The following WDR81 variants were observed in gnomAD, a reference collection of about 807,000 sequenced individuals.
WDR81 encodes the protein WD repeat-containing protein 81.
WDR81 carries 92 observed loss-of-function variants against 140.8 expected under a neutral mutation model. That is an observed-to-expected ratio of 0.65 (90% CI 0.55 to 0.78). The LOEUF is 0.78. Ranked by LOEUF, WDR81 falls within the 30% of genes least tolerant of loss-of-function variation. The probability of loss-of-function intolerance (pLI) is 0.00; values close to 1 mark genes in which losing one functional copy is unlikely to be tolerated. For missense variants in WDR81, 2,502 were observed against 2,636.4 expected (o/e 0.95, Z 1.12); for synonymous variants, 1,183 against 1,156.4 (o/e 1.02, Z -0.47).
chr17:1,729,733 C>T lies in WDR81; in HGVS notation c.3668-647C>T, dbSNP rs61567758. The stretch of plus-strand genomic sequence containing the variant: ...ATCCCAGCACTTTGGGAGGCTGAGG[C>T]GGATGGATCACAAGGTCAGGAGATT... On this transcript the variant is annotated intron_variant, in intron 1 of 9. Transcript: ENST00000409644. 8.4e-3 allele frequency among the ~76,000 whole-genome samples: 1,284 copies of T among 152,078 alleles called. 16 individuals carry two copies. Among genetic ancestry groups the T allele is most frequent in the African/African-American group, 0.027 (1,132 of 41,502 alleles).
intron 1 of WDR81, chr17:1,717,138 C>T (rs1049721421): frequency 3.7e-5 from 6 of 162,216 alleles, no homozygotes; most frequent in African/African-American, 1.4e-4. Context: ...CCATTCAGTC[C>T]CGCCCTCCAA....
chr17:1,732,858 C>T, intron 6 of WDR81, 27 bp downstream of exon 6: 1 of 1,570,176 alleles, frequency 6.4e-7, no homozygotes, highest in Non-Finnish European at 8.7e-7. Flanking sequence ...TTCCCCATCA[C>T]AGTCTTCGTG....
chr17:1,737,454 C>T lies in WDR81; in HGVS notation c.5595C>T (p.Tyr1865=). 1 of 1,613,116 alleles carries T rather than the reference C, an allele frequency of 6.2e-7. No homozygotes were observed. ...KELEQKPTHH[Y]KSASDPIHTF... ...TGGAGCAGAAGCCCACCCATCACTA[C>T]AAGTCAGCATCCGACCCCATCCACA... Residue 1865 remains tyrosine, a synonymous_variant, in exon 10 of 10, where the codon TAC becomes TAT. Transcript: ENST00000409644.
At position 1,728,522 on chromosome 17, in the gene WDR81, T is replaced by C; in HGVS notation, c.3563T>C (p.Leu1188Pro). Residue 1188 changes from leucine (L) to proline (P), a missense_variant, in exon 1 of 10, where the codon CTG becomes CCG. Physicochemically the swap from Leu to Pro is moderately conservative, Grantham distance 98. Coordinates refer to ENST00000409644, the MANE Select transcript of WDR81 (RefSeq NM_001163809.2). ...GAGCTCACTCTGTCTGACACGGTGC[T>C]GTCCATGGAGACGGTTGTGGCCGGC... Reference protein sequence around the residue: ...ASELTLSDTVLSMETVVAGGS... With the variant: ...ASELTLSDTVPSMETVVAGGS... 6.4e-7 allele frequency: 1 copy of C among 1,572,418 alleles called. No individual in the cohort carries two copies. Among genetic ancestry groups the C allele is most frequent in the Non-Finnish European group, 8.6e-7 (1 of 1,156,632 alleles).
chr17:1,725,060 T>C lies in WDR81; in HGVS notation c.101T>C (p.Val34Ala). Residue 34 changes from valine (V) to alanine (A), a missense_variant, in exon 1 of 10, where the codon GTG (valine) becomes GCG (alanine). Val to Ala is a moderately conservative substitution (Grantham distance 64). This residue lies in a region of WDR81 where 547 missense variants were observed against 513.8 expected (regional missense o/e 1.06). Transcript: ENST00000409644. Reference protein sequence around the residue: ...SPDMQELLRSVERDLSIDPRQ... With the variant: ...SPDMQELLRSAERDLSIDPRQ... ...GACATGCAGGAGCTGCTCCGGAGCGTGGAGAGGGACCTGAGCATCGATCCC... is the reference window on the plus strand; with the variant it reads ...GACATGCAGGAGCTGCTCCGGAGCGCGGAGAGGGACCTGAGCATCGATCCC... 1 of 1,484,140 alleles carries C rather than the reference T, an allele frequency of 6.7e-7. No individual in the cohort carries two copies. Among genetic ancestry groups the C allele is most frequent in the Non-Finnish European group, 9.0e-7 (1 of 1,116,856 alleles). The allele number at this position is 1,484,140 out of a possible 1,614,324, so 91.9% of individuals were successfully genotyped here. A position where few individuals can be genotyped will look rare whatever the true frequency, so the allele number is the denominator to read the frequency against.
chr17:1,737,983 G>C lies in WDR81; in HGVS notation c.*298G>C. On this transcript the variant is annotated 3_prime_UTR_variant, in exon 10 of 10. Coordinates refer to ENST00000409644, the MANE Select transcript of WDR81 (RefSeq NM_001163809.2). ...GCTACCTTCACTTCTCCCCAGCTCT[G>C]CCCTCTGGGTCCACATGAGGACAGG... The C allele has an allele frequency of 2.0e-6, 1 of 494,182 alleles. No homozygotes were observed. The highest frequency in any genetic ancestry group is 3.6e-6 in the Non-Finnish European group (1 of 274,622). 30.6% of individuals were successfully genotyped at this position (494,182 alleles called of 1,614,324 possible).
upstream of WDR81, among the ~76,000 whole-genome samples, chr17:1,721,981 G>A (rs1914888835): frequency 6.6e-6 from 1 of 152,152 alleles, no homozygotes; most frequent in East Asian, 1.9e-4. Context: ...AAATTAGCCG[G>A]GCATGGTGGC....
At position 1,737,614 on chromosome 17, in the gene WDR81, C is replaced by T; in HGVS notation, c.5755C>T (p.Leu1919=). Residue 1919 remains leucine, a synonymous_variant, in exon 10 of 10, where the codon CTG becomes TTG. Transcript: ENST00000409644. ...GAACTTCCGCGGCACGCTCACCAGCCTGGCCTTGCTGCCCACTAAACGCCA... is the reference window on the plus strand; with the variant it reads ...GAACTTCCGCGGCACGCTCACCAGCTTGGCCTTGCTGCCCACTAAACGCCA... ...SENFRGTLTS[L]ALLPTKRHLL... 2 of 1,612,752 alleles carry T rather than the reference C, an allele frequency of 1.2e-6. No homozygotes were observed. The highest frequency in any genetic ancestry group is 1.7e-6 in the Non-Finnish European group (2 of 1,179,990).
upstream of WDR81, among the ~76,000 whole-genome samples, chr17:1,724,257 G>A (rs1440889069): frequency 2.6e-5 from 4 of 152,300 alleles, no homozygotes; most frequent in South Asian, 6.2e-4. Flanking sequence ...CCAGCTACTC[G>A]GGAGGCCGAG....
rs918030224 is a variant in WDR81, at chr17:1,726,131, C to T, written c.1172C>T (p.Thr391Met). 4.5e-5 allele frequency: 70 copies of T among 1,538,854 alleles called. No individual in the cohort carries two copies. The highest frequency in any genetic ancestry group is 2.2e-4 in the African/African-American group (16 of 72,746). ...CTGCCCTGGGTGGTGGACTTCACTA[C>T]GCCCCATGGGCGCTTCCGAGACCTG... is the stretch of plus-strand genomic sequence containing the variant. ...PVLPWVVDFT[T>M]PHGRFRDLRK... The change falls in exon 1 of 10, where the codon ACG (threonine) becomes ATG (methionine). Residue 391 changes from threonine (T) to methionine (M), a missense_variant. Thr to Met is a moderately conservative substitution (Grantham distance 81). Transcript: ENST00000409644.
At chr17:1,723,035 T>C (rs1914958985), upstream of WDR81, among the ~76,000 whole-genome samples, 1 of 152,088 alleles carries the variant, frequency 6.6e-6, no homozygotes, top group Non-Finnish European at 1.5e-5. Flanking sequence ...CCCTCACACC[T>C]GTACACCAAA....
At chr17:1,723,465 A>ATTTATT (rs1567715989), upstream of WDR81, among the ~76,000 whole-genome samples, 3 of 104,484 alleles carry the variant, frequency 2.9e-5, no homozygotes, top group Admixed American at 9.2e-5. Flanking sequence ...ATTTTTATTT[A>ATTTATT]TTTATTTATT....
rs778354828 is a variant in WDR81 at position 1,727,241 on chromosome 17, T to C, written c.2282T>C (p.Val761Ala). The change falls in exon 1 of 10, where the codon GTG (valine) becomes GCG (alanine). Residue 761 changes from valine to alanine, a missense_variant. Around this residue, in one of 3 missense-constraint regions of WDR81, gnomAD observed 1,737 missense variants for 1,843.0 expected, o/e 0.94. Transcript: ENST00000409644. ...GAGCAGCCCCGGGTCCAGCCGGCTG[T>C]GCCACTGCAGTGCCTACTCCACAGG... ...VPEQPRVQPA[V>A]PLQCLLHRDM... is the part of the protein sequence containing the mutation. 216 of 1,550,234 alleles carry C rather than the reference T, an allele frequency of 1.4e-4. No homozygotes were observed. The highest frequency in any genetic ancestry group is 9.8e-5 in the Admixed American group (5 of 50,984).
rs1258582522 is a variant in WDR81, at chr17:1,735,952, T to C, written c.5326-87T>C. 6.6e-7 allele frequency: 1 copy of C among 1,506,452 alleles called. No homozygotes were observed. Among genetic ancestry groups the C allele is most frequent in the African/African-American group, 1.4e-5 (1 of 72,408 alleles). 93.3% of individuals were successfully genotyped at this position (1,506,452 alleles called of 1,614,324 possible). A position where few individuals can be genotyped will look rare whatever the true frequency, so the allele number is the denominator to read the frequency against. On this transcript the variant is annotated intron_variant, in intron 8 of 9. Coordinates refer to ENST00000409644, the MANE Select transcript of WDR81 (RefSeq NM_001163809.2). This position sits in a 1 kb window ranked among gnomAD's most constrained non-coding sequence, Gnocchi z 4.2. ...TGAGGGTCAGAGGCTCAGGCCTTCC[T>C]GCTGTGTGGGCTTGGGTGGTGGGCA...
chr17:1,725,600 C>A lies in WDR81; in HGVS notation c.641C>A (p.Ala214Asp). 6.5e-7 allele frequency: 1 copy of A among 1,545,378 alleles called. No individual in the cohort carries two copies. The stretch of plus-strand genomic sequence containing the variant: ...CCCTGCCCCCCTCGGGGCAGCCCTG[C>A]TTGCCCTAGTCTTTTACGGGCTGAG... ...EGPCPPRGSPACPSLLRAEAL... is the reference protein window; with the variant it reads ...EGPCPPRGSPDCPSLLRAEAL... Residue 214 changes from alanine (A) to aspartate (D), a missense_variant, in exon 1 of 10, where the codon GCT becomes GAT. Transcript: ENST00000409644.
Position 1,725,271 on chromosome 17 carries a change from C to G in WDR81, c.312C>G (p.Arg104=), listed in dbSNP as rs1417237267. ...AAAGGCTGCCTGCCGGCTGGACGCG[C>G]GTGGAGGTGCATGGGCTGCGGAAGC... The part of the protein sequence containing the change: ...SVQRLPAGWT[R]VEVHGLRKRR... The change falls in exon 1 of 10, where the codon CGC becomes CGG. Residue 104 remains arginine (R), a synonymous_variant. Transcript: ENST00000409644. 1 of 1,545,544 alleles carries G rather than the reference C, an allele frequency of 6.5e-7. No homozygotes were observed. Among genetic ancestry groups the G allele is most frequent in the Admixed American group, 2.0e-5 (1 of 51,002 alleles).
In WDR81 at chr17:1,727,079, C is replaced by T; in HGVS notation, c.2120C>T (p.Ala707Val). 6.5e-7 allele frequency: 1 copy of T among 1,549,626 alleles called. No individual in the cohort carries two copies. Among genetic ancestry groups the T allele is most frequent in the East Asian group, 2.4e-5 (1 of 40,926 alleles). ...CGTCCAGGCCGCAGGAATAAAGCTG[C>T]TGGGGCAGACCCTGGGGAGGGTGAG... ...ASRPGRRNKAAGADPGEGEEG... is the reference protein window; with the variant it reads ...ASRPGRRNKAVGADPGEGEEG... Residue 707 changes from alanine (A) to valine (V), a missense_variant, in exon 1 of 10, where the codon GCT becomes GTT. Transcript: ENST00000409644.
intron 4 of WDR81, among the ~76,000 whole-genome samples, chr17:1,731,654 A>G (rs1397175268): frequency 1.3e-5 from 2 of 152,138 alleles, no homozygotes; most frequent in Non-Finnish European, 2.9e-5. Flanking sequence ...CTGTAATCCC[A>G]GCACTTTGGG....
At chr17:1,720,420 T>C (rs1359353276), upstream of WDR81, among the ~76,000 whole-genome samples, 4 of 152,228 alleles carry the variant, frequency 2.6e-5, no homozygotes, top group Non-Finnish European at 2.9e-5. Flanking sequence ...GCATCAGAAT[T>C]ACCTCGCGTA....
Sources: allele counts gnomAD v4.1 joint callset (sites outside exome capture counted in the v4.1 genomes callset), GRCh38; gene constraint gnomAD v4.1.1; regional missense constraint gnomAD v4.1.1; non-coding constraint Gnocchi (gnomAD v3.1); transcripts MANE v1.5; gene names NCBI Gene and HGNC (gene_info 2026-07-23, HGNC 2026-07-21).